Variants in FRMD3 observed in about 807,000 individuals in gnomAD.
The protein encoded by FRMD3 is FERM domain containing 3.
A neutral mutation model predicts 70.2 loss-of-function variants in FRMD3; 33 were observed. The ratio of observed to expected loss-of-function variants is 0.47; its 90% CI spans 0.36 to 0.63. FRMD3 has a LOEUF of 0.63. FRMD3 is among the 20% of genes least tolerant of loss of function. FRMD3 has a pLI of 0.00. For missense variants in FRMD3, 632 were observed against 711.4 expected (o/e 0.89, Z 1.27); for synonymous variants, 279 against 255.9 (o/e 1.09, Z -0.86).
chr9:83,285,358 C>T lies in FRMD3; in HGVS notation c.1195+5245G>A, dbSNP rs1379859042. Among the ~76,000 whole-genome samples the T allele has an allele frequency of 3.9e-5, 6 of 152,186 alleles. No individual in the cohort carries two copies. In the East Asian group the frequency reaches 1.2e-3, roughly 29 times the overall value. On this transcript the variant is annotated intron_variant, in intron 13 of 13. Transcript: ENST00000304195. ...AGCTATTCTTCAATAAAGATACTTT[C>T]TCGATCATATGCAAAAGCAGCTTCA...
intron 6 of FRMD3, among the ~76,000 whole-genome samples, chr9:83,333,067 C>A (rs376948244): frequency 6.6e-6 from 1 of 152,234 alleles, no homozygotes; most frequent in African/African-American, 2.4e-5. Flanking sequence ...TCCCAACAGA[C>A]GCAAGAAAGC....
rs929386836 is a variant in FRMD3 at position 83,509,900 on chromosome 9, T to TA, written c.147+28184dup. On this transcript the variant is annotated intron_variant, in intron 1 of 13. Transcript: ENST00000304195. ...GTGGTGGGCTTGGTGTACAGTGTCT[T>TA]AAAAAAAATAAGCTCGTGACCTTAG... Among the ~76,000 whole-genome samples, 6 of 152,050 alleles carry TA rather than the reference T, an allele frequency of 3.9e-5. 1 individual carries two copies. Among genetic ancestry groups the TA allele is most frequent in the African/African-American group, 1.4e-4 (6 of 41,472 alleles).
chr9:83,511,657 T>C (rs1829341641), intron 1 of FRMD3, among the ~76,000 whole-genome samples: 1 of 152,188 alleles, frequency 6.6e-6, no homozygotes, highest in Non-Finnish European at 1.5e-5. Context: ...AATAAAGAAG[T>C]AGCTGCTGTA....
intron 1 of FRMD3, among the ~76,000 whole-genome samples, chr9:83,432,631 A>G (rs1266394594): frequency 1.3e-5 from 2 of 152,260 alleles, no homozygotes; most frequent in Middle Eastern, 3.2e-3. Flanking sequence ...CAAAGGTCAT[A>G]GATCACTCAT....
At chr9:83,274,066 C>T (rs7034639) in intron 13 of FRMD3, among the ~76,000 whole-genome samples, 31,993 of 152,066 alleles carry the variant, frequency 0.21, 3,957 homozygotes, top group African/African-American at 0.35. Flanking sequence ...GGGATCTTCC[C>T]ACCTCAGCCT....
intron 2 of FRMD3, among the ~76,000 whole-genome samples, chr9:83,373,605 C>T (rs943783028): frequency 1.6e-4 from 24 of 152,150 alleles, no homozygotes; most frequent in African/African-American, 2.9e-4. Flanking sequence ...GTAGGCACCA[C>T]GCTGGTCCCA....
At chr9:83,562,564 G>A in the FRMD3 span, among the ~76,000 whole-genome samples, 1 of 152,138 alleles carries the variant, frequency 6.6e-6, no homozygotes, top group Non-Finnish European at 1.5e-5. Context: ...TACGTTTCTC[G>A]GCCGGGCCAC....
At chr9:83,329,115 C>A (rs1836142098) in intron 6 of FRMD3, among the ~76,000 whole-genome samples, 1 of 152,146 alleles carries the variant, frequency 6.6e-6, no homozygotes, top group South Asian at 2.1e-4. Flanking sequence ...TTGCCCCAGC[C>A]CATCCCTCCC....
At chr9:83,331,997 A>T (rs1823391542) in intron 6 of FRMD3, 3 of 668,738 alleles carry the variant, frequency 4.5e-6, no homozygotes, top group Admixed American at 4.8e-5. Flanking sequence ...GTGGCTCAAC[A>T]TCTGGCAAAT....
chr9:83,256,817 T>G (rs575874994), intron 13 of FRMD3, among the ~76,000 whole-genome samples: 14 of 152,148 alleles, frequency 9.2e-5, no homozygotes, highest in Non-Finnish European at 1.9e-4. Context: ...CAATGAGATA[T>G]GAGATATCAT....
At chr9:83,322,206 C>T (rs886677821) in intron 6 of FRMD3, among the ~76,000 whole-genome samples, 1 of 152,150 alleles carries the variant, frequency 6.6e-6, no homozygotes, top group Non-Finnish European at 1.5e-5. Flanking sequence ...GGGCATTGTC[C>T]TATATATGGT....
chr9:83,271,005 C>T (rs892264575), intron 13 of FRMD3, among the ~76,000 whole-genome samples: 2 of 152,112 alleles, frequency 1.3e-5, no homozygotes, highest in African/African-American at 2.4e-5. Context: ...GGAGTTAACC[C>T]GGCCATGCCT....
At chr9:83,351,758 C>T (rs1034904282) in intron 3 of FRMD3, among the ~76,000 whole-genome samples, 1 of 152,006 alleles carries the variant, frequency 6.6e-6, no homozygotes, top group Non-Finnish European at 1.5e-5. Flanking sequence ...TCATTATTCA[C>T]TTTGTCTCTA....
intron 6 of FRMD3, among the ~76,000 whole-genome samples, chr9:83,325,002 C>T (rs945133768): frequency 6.6e-6 from 1 of 152,192 alleles, no homozygotes; most frequent in African/African-American, 2.4e-5. Flanking sequence ...TGATTTCTAT[C>T]CACCTTTTAT....
chr9:83,283,853 T>C (rs1260136786), intron 13 of FRMD3, among the ~76,000 whole-genome samples: 1 of 152,194 alleles, frequency 6.6e-6, no homozygotes, highest in East Asian at 1.9e-4. Context: ...TCTGTATTTG[T>C]GTTAAATATG....
intron 6 of FRMD3, among the ~76,000 whole-genome samples, chr9:83,314,622 A>C (rs886168161): frequency 6.6e-6 from 1 of 151,990 alleles, no homozygotes; most frequent in African/African-American, 2.4e-5. Context: ...AAATCAAAAC[A>C]GTATCCCATC....
chr9:83,392,736 C>T (rs764495506), intron 1 of FRMD3, among the ~76,000 whole-genome samples: 4 of 152,204 alleles, frequency 2.6e-5, no homozygotes, highest in Admixed American at 6.5e-5. Context: ...GAGACAATAG[C>T]ATCCTGGTAT....
At chr9:83,323,745 A>G (rs565033487) in intron 6 of FRMD3, among the ~76,000 whole-genome samples, 1 of 152,374 alleles carries the variant, frequency 6.6e-6, no homozygotes, top group East Asian at 1.9e-4. Flanking sequence ...AAAATACCAG[A>G]TATAAATGGA....
chr9:83,245,983 T>C lies in FRMD3; in HGVS notation c.*1935A>G, dbSNP rs890804335. 2.4e-5 allele frequency: 24 copies of C among 984,306 alleles called. No homozygotes were observed. Among genetic ancestry groups the C allele is most frequent in the Non-Finnish European group, 2.8e-5 (23 of 829,080 alleles). The allele number at this position is 984,306 out of a possible 1,614,324, so 61.0% of individuals were successfully genotyped here. On this transcript the variant is annotated 3_prime_UTR_variant, in exon 14 of 14. Transcript: ENST00000304195. ...TTATTTAAAAAGCAAAATAAATCAC[T>C]GAAAGCATATAGGAAAGGAAACCCC...
Sources: allele counts gnomAD v4.1 joint callset (sites outside exome capture counted in the v4.1 genomes callset), GRCh38; gene constraint gnomAD v4.1.1; transcripts MANE v1.5; gene names NCBI Gene and HGNC (gene_info 2026-07-23, HGNC 2026-07-21).